The following WWOX variants were observed in gnomAD, a reference collection of about 807,000 sequenced individuals.
WWOX encodes the protein WW domain-containing oxidoreductase.
WWOX carries 69 observed loss-of-function variants against 46.2 expected under a neutral mutation model. That is an observed-to-expected ratio of 1.49 (90% CI 1.23 to 1.82). The LOEUF is 1.82. WWOX is among the 40% of genes most tolerant of loss of function. The pLI, the probability that WWOX is intolerant of heterozygous loss-of-function variation, is 0.00. For synonymous variants in WWOX, 359 were observed against 202.6 expected (o/e 1.77, Z -6.56); for missense variants, 919 against 542.6 (o/e 1.69, Z -6.89).
intron 8 of WWOX, among the ~76,000 whole-genome samples, chr16:78,994,626 A>G (rs1490899615): frequency 6.6e-6 from 1 of 152,216 alleles, no homozygotes; most frequent in African/African-American, 2.4e-5. Flanking sequence ...AAACCAGAAT[A>G]AAAGAATTCT....
At chr16:78,110,368 A>C (rs1199468302) in intron 3 of WWOX, among the ~76,000 whole-genome samples, 1 of 150,364 alleles carries the variant, frequency 6.7e-6, no homozygotes, top group Non-Finnish European at 1.5e-5. Flanking sequence ...AAAAGAGGGA[A>C]TGCACTGTGT....
chr16:78,686,510 C>A (rs1049708576), intron 8 of WWOX, among the ~76,000 whole-genome samples: 34 of 144,684 alleles, frequency 2.3e-4, no homozygotes, highest in South Asian at 4.4e-4. Flanking sequence ...GACTCCCTGT[C>A]AAAAAAAAAA....
chr16:78,529,122 T>C (rs1341040434), intron 8 of WWOX, among the ~76,000 whole-genome samples: 1 of 150,928 alleles, frequency 6.6e-6, no homozygotes, highest in Non-Finnish European at 1.5e-5. Context: ...CCCAGCTAAG[T>C]TTGTTCATTT....
At chr16:78,627,704 G>C (rs551407449) in intron 8 of WWOX, among the ~76,000 whole-genome samples, 3 of 152,298 alleles carry the variant, frequency 2.0e-5, no homozygotes, top group South Asian at 4.1e-4. Context: ...TGCAAATCCT[G>C]GGAAGACTCT....
chr16:78,335,422 C>G (rs960892204), intron 5 of WWOX, among the ~76,000 whole-genome samples: 1 of 152,206 alleles, frequency 6.6e-6, no homozygotes, highest in Non-Finnish European at 1.5e-5. Flanking sequence ...ATAACGGCTT[C>G]CAGCTCCATC....
intron 8 of WWOX, among the ~76,000 whole-genome samples, chr16:78,510,812 A>T (rs2085343031): frequency 6.6e-6 from 1 of 152,240 alleles, no homozygotes; most frequent in Non-Finnish European, 1.5e-5. Context: ...TTACCACAGC[A>T]GTGGATTCAC....
rs1172953623 is a variant in WWOX at position 78,938,650 on chromosome 16, A to C, written c.1057-272958A>C. Among the ~76,000 whole-genome samples the C allele has an allele frequency of 2.6e-5, 4 of 152,036 alleles. No homozygotes were observed. In the East Asian group the frequency reaches 7.7e-4, roughly 29 times the overall value. ...TTTATTCCACAGGGATTTATTATGCATTTACTGTGTACTAACTAATGGGGA... is the reference window on the plus strand; with the variant it reads ...TTTATTCCACAGGGATTTATTATGCCTTTACTGTGTACTAACTAATGGGGA... On this transcript the variant is annotated intron_variant, in intron 8 of 8. Coordinates refer to ENST00000566780, the MANE Select transcript of WWOX (RefSeq NM_016373.4).
At chr16:79,043,216 T>C (rs141422432) in intron 8 of WWOX, among the ~76,000 whole-genome samples, 75 of 152,284 alleles carry the variant, frequency 4.9e-4, no homozygotes, top group African/African-American at 1.8e-3. Context: ...AAAAAATCTA[T>C]GTATAACTTG....
chr16:78,828,377 G>C (rs1198332163), intron 8 of WWOX, among the ~76,000 whole-genome samples: 3 of 152,106 alleles, frequency 2.0e-5, no homozygotes, highest in African/African-American at 4.8e-5. Context: ...AACGGATACG[G>C]TTAGGACCAA....
intron 7 of WWOX, among the ~76,000 whole-genome samples, chr16:78,428,448 A>G (rs1161463306): frequency 6.6e-6 from 1 of 152,162 alleles, no homozygotes; most frequent in African/African-American, 2.4e-5. Context: ...GACAGTGAGG[A>G]AGGAAATCAG....
chr16:78,368,992 A>G (rs991350109), intron 5 of WWOX, among the ~76,000 whole-genome samples: 2 of 149,044 alleles, frequency 1.3e-5, no homozygotes, highest in African/African-American at 2.5e-5. Flanking sequence ...CAGTCTCCCC[A>G]TCTCCCCTTC....
At chr16:78,557,440 G>A (rs2044325901) in intron 8 of WWOX, among the ~76,000 whole-genome samples, 1 of 152,082 alleles carries the variant, frequency 6.6e-6, no homozygotes, top group South Asian at 2.1e-4. Context: ...ACCATTCTAG[G>A]TGTTGGGGAT....
chr16:78,655,600 A>G (rs1368623588), intron 8 of WWOX, among the ~76,000 whole-genome samples: 4 of 152,296 alleles, frequency 2.6e-5, no homozygotes, highest in African/African-American at 9.6e-5. Context: ...GTGGGGTTTT[A>G]ACTACAAAAT....
Position 78,327,414 on chromosome 16 carries a change from C to G in WWOX, c.517-59446C>G, listed in dbSNP as rs556187710. ...ATCTGGGGCATCTTCACTGGACTCT[C>G]CAAGCCCCAGTACCCTCAGTGTGGA... is the stretch of plus-strand genomic sequence containing the variant. On this transcript the variant is annotated intron_variant, in intron 5 of 8. Coordinates refer to ENST00000566780, the MANE Select transcript of WWOX (RefSeq NM_016373.4). Among the ~76,000 whole-genome samples, 32 of 152,234 alleles carry G rather than the reference C, an allele frequency of 2.1e-4. 1 individual carries two copies. The highest frequency in any genetic ancestry group is 5.5e-4 in the African/African-American group (23 of 41,536).
At chr16:78,473,206 T>A (rs1479951182) in intron 8 of WWOX, among the ~76,000 whole-genome samples, 2 of 152,190 alleles carry the variant, frequency 1.3e-5, no homozygotes, top group Non-Finnish European at 2.9e-5. Context: ...CTCTGCTCAC[T>A]GCGGCCTGCA....
intron 6 of WWOX, among the ~76,000 whole-genome samples, chr16:78,419,484 C>G (rs1410513507): frequency 6.6e-6 from 1 of 151,912 alleles, no homozygotes; most frequent in Non-Finnish European, 1.5e-5. Context: ...TGAATCCATG[C>G]ATATTGTGAA....
intron 8 of WWOX, among the ~76,000 whole-genome samples, chr16:79,202,155 G>A (rs1179938247): frequency 1.3e-5 from 2 of 152,130 alleles, no homozygotes; most frequent in African/African-American, 4.8e-5. Flanking sequence ...TTGAGTGATC[G>A]TGCCAGACAT....
intron 8 of WWOX, among the ~76,000 whole-genome samples, chr16:78,452,620 C>T (rs937580867): frequency 1.3e-5 from 2 of 151,514 alleles, no homozygotes; most frequent in Non-Finnish European, 2.9e-5. Context: ...GGACTGTAGG[C>T]ATGCACTACC....
At chr16:79,025,804 C>CTTTTTTTTTTTTTTTTTTTTT (rs60681938) in intron 8 of WWOX, among the ~76,000 whole-genome samples, 2 of 104,092 alleles carry the variant, frequency 1.9e-5, no homozygotes, top group Non-Finnish European at 1.8e-5. Context: ...TGCTTGCTTG[C>CTTTTTTTTTTTTTTTTTTTTT]TTTTTTTTTT....
Sources: gnomAD v4.1 joint callset for allele counts (sites outside exome capture counted in the v4.1 genomes callset) on GRCh38, gnomAD v4.1.1 for gene constraint, MANE v1.5 for transcripts, NCBI Gene and HGNC (gene_info 2026-07-23, HGNC 2026-07-21) for gene names.